The following MAGEB16 variants were observed in gnomAD, a reference collection of about 807,000 sequenced individuals.
The protein encoded by MAGEB16 is melanoma-associated antigen B16.
For synonymous variants in MAGEB16, 95 were observed against 92.1 expected (o/e 1.03, Z -0.18); for missense variants, 217 against 234.0 (o/e 0.93, Z 0.47).
chrX:35,800,607 C>G (rs1934853973), intron 1 of MAGEB16: 2 of 524,894 alleles, frequency 3.8e-6, no homozygotes, highest in South Asian at 4.9e-5. Flanking sequence ...ACCACCCATC[C>G]CAGATAATGA....
chrX:35,802,771 G>A, exon 2 of MAGEB16: 1 of 1,211,431 alleles, frequency 8.3e-7, no homozygotes, highest in Non-Finnish European at 1.1e-6. Flanking sequence ...ACCTATGATG[G>A]GATGCTGAGT....
At position 35,802,131 on chromosome X, in the gene MAGEB16, G is replaced by A. The variant is rs1478107005; in HGVS notation, c.-66G>A. On this transcript the variant is annotated splice_region_variant and 5_prime_UTR_variant, in exon 2 of 2. Coordinates refer to ENST00000399988, the Ensembl canonical transcript of MAGEB16. Reference sequence around the variant, plus strand: ...TTTACACCCTTTCTCTCTCCCTTAGGCAGTGATTCTTCATTGCCTGCCCTC... The same window carrying A: ...TTTACACCCTTTCTCTCTCCCTTAGACAGTGATTCTTCATTGCCTGCCCTC... 5 of 1,180,347 alleles carry A rather than the reference G, an allele frequency of 4.2e-6. No individual in the cohort carries two copies. In the African/African-American group the frequency reaches 5.3e-5, roughly 13 times the overall value.
chrX:35,800,187 C>A (rs1033492593), intron 1 of MAGEB16, among the ~76,000 whole-genome samples: 6 of 111,175 alleles, frequency 5.4e-5, no homozygotes, highest in Non-Finnish European at 1.1e-4. Flanking sequence ...GAGTCTCTCG[C>A]AGTGCCTGGA....
At chrX:35,798,627 G>A (rs1934834061) in intron 1 of MAGEB16, 1 of 111,541 alleles carries the variant, frequency 9.0e-6, no homozygotes, top group African/African-American at 3.3e-5. Context: ...AAGCCCTTGA[G>A]TGAGTGCTGA....
In MAGEB16 at chrX:35,800,670, C is replaced by A; in HGVS notation, c.-66-1461C>A. 4 of 498,964 alleles carry A rather than the reference C, an allele frequency of 8.0e-6. No homozygotes were observed. The South Asian group carries it at 8.2e-5, about 10-fold the overall frequency. 41.1% of individuals were successfully genotyped at this position (498,964 alleles called of 1,213,427 possible). On this transcript the variant is annotated intron_variant, in intron 1 of 1. Coordinates refer to ENST00000399988, the Ensembl canonical transcript of MAGEB16. ...GCTGTCGGTTGTGGGAGGCTCTGGGCAGGGCTGTCAGGATGAGATATCTAC... is the reference window on the plus strand; with the variant it reads ...GCTGTCGGTTGTGGGAGGCTCTGGGAAGGGCTGTCAGGATGAGATATCTAC...
exon 2 of MAGEB16, chrX:35,803,061 A>G: frequency 8.3e-7 from 1 of 1,211,802 alleles, no homozygotes; most frequent in South Asian, 1.8e-5. Context: ...CAGCAAGATG[A>G]AAGTCCTGGA....
chrX:35,800,841 A>G (rs764875454), intron 1 of MAGEB16, among the ~76,000 whole-genome samples: 1 of 111,793 alleles, frequency 8.9e-6, no homozygotes, highest in South Asian at 3.8e-4. Flanking sequence ...ATCGCCACAG[A>G]GCCCTGTCCT....
At chrX:35,803,461 G>A in exon 2 of MAGEB16, 1 of 242,004 alleles carries the variant, frequency 4.1e-6, no homozygotes, top group Non-Finnish European at 7.8e-6. Flanking sequence ...GATCTCTTAA[G>A]TTTTGAATAA....
chrX:35,801,212 C>G (rs908510225), intron 1 of MAGEB16: 1 of 112,456 alleles, frequency 8.9e-6, no homozygotes, highest in Admixed American at 9.4e-5. Flanking sequence ...GGAAAAAGGA[C>G]ACAGGACACA....
chrX:35,803,491 G>A (rs1330622714), exon 2 of MAGEB16: 1 of 197,377 alleles, frequency 5.1e-6, no homozygotes, highest in African/African-American at 3.0e-5. Flanking sequence ...TCCATTTAAT[G>A]TTTTTCATGA....
At chrX:35,800,874 T>C (rs573777481) in intron 1 of MAGEB16, among the ~76,000 whole-genome samples, 2 of 111,412 alleles carry the variant, frequency 1.8e-5, no homozygotes, top group East Asian at 5.7e-4. Flanking sequence ...CACTGGGGTC[T>C]TATGGAGGTG....
rs182686102 is a variant in MAGEB16, at chrX:35,798,525, C to T, written c.-67+107C>T. On this transcript the variant is annotated intron_variant, in intron 1 of 1. Coordinates refer to ENST00000399988, the Ensembl canonical transcript of MAGEB16. Reference sequence around the variant, plus strand: ...GCTGGACTTTCAGGCTGAACCCACCCCACATTTCTCCCTCGGGAATCTGAT... The same window carrying T: ...GCTGGACTTTCAGGCTGAACCCACCTCACATTTCTCCCTCGGGAATCTGAT... 9.9e-5 allele frequency: 11 copies of T among 111,515 alleles called. No individual in the cohort carries two copies. In the East Asian group the frequency reaches 3.1e-3, roughly 32 times the overall value. The allele number at this position is 111,515 out of a possible 1,213,427, so 9.2% of individuals were successfully genotyped here. A position where few individuals can be genotyped will look rare whatever the true frequency, so the allele number is the denominator to read the frequency against.
intron 1 of MAGEB16, among the ~76,000 whole-genome samples, chrX:35,801,072 C>T (rs920004646): frequency 3.6e-5 from 4 of 111,747 alleles, no homozygotes; most frequent in African/African-American, 6.5e-5. Context: ...CAAGCACCCA[C>T]TCCTCCTTTT....
chrX:35,799,014 G>T (rs779470521), intron 1 of MAGEB16, among the ~76,000 whole-genome samples: 84 of 109,677 alleles, frequency 7.7e-4, no homozygotes, highest in African/African-American at 2.7e-3. Context: ...GGGACTACAG[G>T]TGCCCGCCAC....
intron 1 of MAGEB16, 138 bp from the exon 2 acceptor site, chrX:35,801,993 C>A: frequency 2.2e-6 from 1 of 449,594 alleles, no homozygotes; most frequent in South Asian, 5.0e-5. Context: ...TCTTGGTAGA[C>A]CCAGAAAACA....
At chrX:35,803,172 G>C in exon 2 of MAGEB16, 1 of 1,163,433 alleles carries the variant, frequency 8.6e-7, no homozygotes, top group Non-Finnish European at 1.1e-6. Context: ...CAGAATTTGA[G>C]TCAGGGCTGA....
rs187979936 is a variant in MAGEB16, at chrX:35,802,318, C to T, written c.122C>T (p.Ser41Phe). The T allele has an allele frequency of 1.4e-5, 17 of 1,208,313 alleles. No homozygotes were observed. The highest frequency in any genetic ancestry group is 1.9e-5 in the Non-Finnish European group (17 of 894,575). ...GCTCTGGAGAAGACCCTCCTCTCCT[C>T]CTCCCATCCTCTAGTGCCTGGCAAA... Residue 41 changes from serine (S) to phenylalanine (F), a missense_variant, in exon 2 of 2, where the codon TCC (serine) becomes TTC (phenylalanine). Ser to Phe is a radical substitution (Grantham distance 155). Transcript: ENST00000399988.
rs141135450 is a variant in MAGEB16, at chrX:35,802,851, C to G, written c.655C>G (p.Arg219Gly). The change falls in exon 2 of 2, where the codon CGT becomes GGT. Residue 219 changes from arginine (R) to glycine (G), a missense_variant. By Grantham distance (125) the Arg-to-Gly change is moderately radical (BLOSUM62 -2). Transcript: ENST00000399988. The stretch of plus-strand genomic sequence containing the variant: ...GGGTGTGATCTTCATGAAGGGCAAC[C>G]GTGCCACTGAAGAGGAAGTCTGGGA... 4.5e-5 allele frequency: 54 copies of G among 1,209,767 alleles called. No homozygotes were observed. The highest frequency in any genetic ancestry group is 6.6e-5 in the Admixed American group (3 of 45,747).
At chrX:35,799,994 A>G (rs1934849020) in intron 1 of MAGEB16, among the ~76,000 whole-genome samples, 1 of 111,229 alleles carries the variant, frequency 9.0e-6, no homozygotes, top group Admixed American at 9.6e-5. Context: ...ATTCAAAGTA[A>G]GGATGTGGAC....
Sources: allele counts gnomAD v4.1 joint callset (sites outside exome capture counted in the v4.1 genomes callset), GRCh38; gene constraint gnomAD v4.1.1; transcripts MANE v1.5; gene names NCBI Gene and HGNC (gene_info 2026-07-23, HGNC 2026-07-21).